RNF135: variants seen among roughly 807,000 people sequenced by gnomAD.
RNF135 encodes E3 ubiquitin-protein ligase RNF135.
RNF135 carries 46 observed loss-of-function variants against 41.9 expected under a neutral mutation model. The ratio of observed to expected loss-of-function variants is 1.10; its 90% CI spans 0.87 to 1.40. The LOEUF is 1.40. RNF135 is among the 40% of genes most tolerant of loss of function. The pLI, the probability that RNF135 is intolerant of heterozygous loss-of-function variation, is 0.00. For synonymous variants in RNF135, 238 were observed against 223.8 expected (o/e 1.06, Z -0.57); for missense variants, 539 against 549.8 (o/e 0.98, Z 0.20).
chr17:30,982,399 A>G (rs537702734), intron 1 of RNF135, among the ~76,000 whole-genome samples: 1 of 152,268 alleles, frequency 6.6e-6, no homozygotes, highest in Admixed American at 6.5e-5. Flanking sequence ...TTGTGAAGCG[A>G]CAAGGCAAAG....
rs1405233699 is a variant in RNF135, at chr17:30,971,409, G to T, written c.336G>T (p.Ala112=). ...PCPGSSSLSS[A]AARPRRRPEL... Reference sequence around the variant, plus strand: ...CGGGCTCCAGTTCCCTCTCCAGCGCGGCCGCGAGGCCCCGGCGCCGCCCGG... The same window carrying T: ...CGGGCTCCAGTTCCCTCTCCAGCGCTGCCGCGAGGCCCCGGCGCCGCCCGG... The change falls in exon 1 of 5, where the codon GCG becomes GCT. Residue 112 remains alanine, a synonymous_variant. Transcript: ENST00000328381. The T allele has an allele frequency of 6.6e-7, 1 of 1,517,294 alleles. No homozygotes were observed. The highest frequency in any genetic ancestry group is 8.8e-7 in the Non-Finnish European group (1 of 1,139,624). 94.0% of individuals were successfully genotyped at this position (1,517,294 alleles called of 1,614,324 possible).
chr17:30,977,558 G>A (rs776929630), intron 1 of RNF135, among the ~76,000 whole-genome samples: 2 of 152,076 alleles, frequency 1.3e-5, no homozygotes, highest in African/African-American at 2.4e-5. Context: ...ATTTTTAGTA[G>A]TGACAGGGTT....
At chr17:30,963,128 T>C in the RNF135 span, among the ~76,000 whole-genome samples, 23,851 of 140,326 alleles carry the variant, frequency 0.17, 7,542 homozygotes, top group African/African-American at 0.66. Flanking sequence ...GATCTGGTCT[T>C]GCTATGTTGC....
chr17:30,971,044 C>T lies in RNF135; in HGVS notation c.-30C>T, dbSNP rs762613764. The T allele has an allele frequency of 2.0e-6, 3 of 1,533,148 alleles. No individual in the cohort carries two copies. The highest frequency in any genetic ancestry group is 2.0e-5 in the Admixed American group (1 of 50,872). The allele number at this position is 1,533,148 out of a possible 1,614,324, so 95.0% of individuals were successfully genotyped here. The stretch of plus-strand genomic sequence containing the variant: ...TGAGGAGACTCGCCCGGCTCAACCC[C>T]GACGTCCGCGCCCCGGCCGCCTGTT... On this transcript the variant is annotated 5_prime_UTR_variant, in exon 1 of 5. Transcript: ENST00000328381.
In RNF135 at chr17:30,998,714, G is replaced by A; in HGVS notation, c.822G>A (p.Val274=). The change falls in exon 5 of 5, where the codon GTG becomes GTA. Residue 274 remains valine, a synonymous_variant. Transcript: ENST00000328381. ...AGAGCCTTTCCTGCAGCCTGGAGGT[G>A]TCCAAGGATTCCCGTACAGTGACTG... is the stretch of plus-strand genomic sequence containing the variant. ...NLKSLSCSLE[V]SKDSRTVTVS... The A allele has an allele frequency of 6.2e-7, 1 of 1,613,720 alleles. No homozygotes were observed.
At chr17:30,970,376 A>G (rs1905788165), upstream of RNF135, 2 of 152,342 alleles carry the variant, frequency 1.3e-5, no homozygotes, top group South Asian at 4.1e-4. Flanking sequence ...TACATCCCGC[A>G]GAAGGCGGTA....
intron 1 of RNF135, among the ~76,000 whole-genome samples, chr17:30,979,525 C>G (rs1320287806): frequency 2.8e-5 from 1 of 35,386 alleles, no homozygotes; most frequent in Non-Finnish European, 6.1e-5. Context: ...GACGGGGCAG[C>G]TGGCCGACCC....
At chr17:30,968,386 C>CTT (rs550082363), upstream of RNF135, among the ~76,000 whole-genome samples, 20 of 143,608 alleles carry the variant, frequency 1.4e-4, no homozygotes, top group African/African-American at 5.1e-4. Context: ...TTCTTTCTTT[C>CTT]TTTTTTTTTT....
chr17:30,990,317 G>A (rs1392055004), intron 3 of RNF135, among the ~76,000 whole-genome samples: 1 of 151,584 alleles, frequency 6.6e-6, no homozygotes, highest in Non-Finnish European at 1.5e-5. Context: ...GAGGTCAGGA[G>A]TTCGAGAGCA....
At chr17:30,981,683 T>A (rs1907160829) in intron 1 of RNF135, among the ~76,000 whole-genome samples, 1 of 152,234 alleles carries the variant, frequency 6.6e-6, no homozygotes, top group Non-Finnish European at 1.5e-5. Context: ...GGCTTGTTTG[T>A]ACCTGTCCTT....
rs1158105217 is a variant in RNF135, at chr17:30,999,334, G to A, written c.*143G>A. 6 of 911,084 alleles carry A rather than the reference G, an allele frequency of 6.6e-6. No homozygotes were observed. In the East Asian group the frequency reaches 8.0e-5, roughly 12 times the overall value. The allele number at this position is 911,084 out of a possible 1,614,324, so 56.4% of individuals were successfully genotyped here. On this transcript the variant is annotated 3_prime_UTR_variant, in exon 5 of 5. Coordinates refer to ENST00000328381, the MANE Select transcript of RNF135 (RefSeq NM_032322.4). ...TCACTAGGTTGCCCAGGCTGGTGTC[G>A]AATTCCTGGTCTCAAGCAGTCCTCC...
At chr17:30,966,392 T>C (rs1567732256), upstream of RNF135, among the ~76,000 whole-genome samples, 1 of 128,892 alleles carries the variant, frequency 7.8e-6, no homozygotes, top group Non-Finnish European at 1.5e-5. Flanking sequence ...AGTTTTATTT[T>C]ATTATTTTTT....
At chr17:30,983,379 A>C (rs1211860101) in intron 1 of RNF135, among the ~76,000 whole-genome samples, 1 of 56,226 alleles carries the variant, frequency 1.8e-5, no homozygotes, top group African/African-American at 4.8e-5. Flanking sequence ...TTTGAGATGG[A>C]GTCTGGCCCT....
intron 4 of RNF135, chr17:30,997,564 A>G (rs1159678014): frequency 1.7e-6 from 1 of 596,976 alleles, no homozygotes; most frequent in East Asian, 3.9e-5. Context: ...GTGGCCACCA[A>G]CTACAGCCAA....
intron 1 of RNF135, among the ~76,000 whole-genome samples, chr17:30,974,031 C>T (rs893465725): frequency 6.6e-6 from 1 of 151,864 alleles, no homozygotes; most frequent in Non-Finnish European, 1.5e-5. Flanking sequence ...AGATGAAACC[C>T]CATCTCTAGA....
chr17:30,993,596 TG>T (rs1233351532), intron 3 of RNF135, among the ~76,000 whole-genome samples: 2 of 152,166 alleles, frequency 1.3e-5, no homozygotes, highest in African/African-American at 4.8e-5. Context: ...CTGCTTAAAA[TG>T]TTGCTCTTAA....
upstream of RNF135, chr17:30,968,979 C>CA (rs1446170272): frequency 6.6e-6 from 1 of 152,316 alleles, no homozygotes; most frequent in Non-Finnish European, 1.5e-5. Flanking sequence ...TGGCTCATTA[C>CA]AGCCTCCACC....
the RNF135 span, among the ~76,000 whole-genome samples, chr17:30,961,573 C>G: frequency 6.6e-6 from 1 of 152,134 alleles, no homozygotes; most frequent in Non-Finnish European, 1.5e-5. Context: ...AGCAATTCTT[C>G]TGCCTCAGCC....
chr17:30,994,692 G>A (rs761818523), intron 3 of RNF135, among the ~76,000 whole-genome samples: 3 of 150,950 alleles, frequency 2.0e-5, no homozygotes, highest in Non-Finnish European at 3.0e-5. Context: ...GGAGTGCAAT[G>A]GCATGATCTC....
Sources: allele counts gnomAD v4.1 joint callset (sites outside exome capture counted in the v4.1 genomes callset), GRCh38; gene constraint gnomAD v4.1.1; transcripts MANE v1.5; gene names NCBI Gene and HGNC (gene_info 2026-07-23, HGNC 2026-07-21).